The following UBE2D2 variants were observed in gnomAD, a reference collection of about 807,000 sequenced individuals.
UBE2D2 encodes ubiquitin conjugating enzyme E2 D2.
A neutral mutation model predicts 24.2 loss-of-function variants in UBE2D2; 2 were observed. That is an observed-to-expected ratio of 0.08 (90% CI 0.03 to 0.26). UBE2D2 has a LOEUF of 0.26. UBE2D2 is among the 10% of genes least tolerant of loss of function. The pLI, the probability that UBE2D2 is intolerant of heterozygous loss-of-function variation, is 1.00. For missense variants in UBE2D2, 44 were observed against 177.6 expected, an observed-to-expected ratio of 0.25 and a Z score of 4.28; for synonymous variants, 58 against 56.5, an observed-to-expected ratio of 1.03 and a Z score of -0.12.
chr5:139,614,796 GT>G, intron 4 of UBE2D2, 22 bp downstream of exon 4: 1 of 1,612,842 alleles, frequency 6.2e-7, no homozygotes, highest in Non-Finnish European at 8.5e-7. Flanking sequence ...GAATGTGGCA[GT>G]TTTTAATGTA....
chr5:139,619,437 G>A (rs1397410916), intron 5 of UBE2D2, among the ~76,000 whole-genome samples: 1 of 151,418 alleles, frequency 6.6e-6, no homozygotes, highest in Non-Finnish European at 1.5e-5. Context: ...ATATATATAG[G>A]TAAAAGTTCA....
chr5:139,590,295 C>T (rs1220698768), intron 1 of UBE2D2, among the ~76,000 whole-genome samples: 3 of 151,782 alleles, frequency 2.0e-5, no homozygotes, highest in Non-Finnish European at 2.9e-5. Flanking sequence ...AATAGCTGGG[C>T]GTGGTGGTGG....
At chr5:139,587,258 A>G (rs1001319679) in intron 1 of UBE2D2, among the ~76,000 whole-genome samples, 11 of 152,212 alleles carry the variant, frequency 7.2e-5, no homozygotes, top group African/African-American at 1.9e-4. Flanking sequence ...GGGAGTGGCA[A>G]TGGGTGCCTC....
At chr5:139,596,680 C>T (rs1263426593) in intron 1 of UBE2D2, among the ~76,000 whole-genome samples, 2 of 151,902 alleles carry the variant, frequency 1.3e-5, no homozygotes, top group South Asian at 2.1e-4. Flanking sequence ...GCGGAAGGAT[C>T]GCTTGAGTCT....
chr5:139,560,986 T>C (rs965426172), upstream of UBE2D2, among the ~76,000 whole-genome samples: 2 of 152,212 alleles, frequency 1.3e-5, no homozygotes, highest in Non-Finnish European at 1.5e-5. Context: ...GCAGTGGGCC[T>C]AAGTGCCTCC....
At chr5:139,577,459 G>T (rs1753498613) in intron 1 of UBE2D2, among the ~76,000 whole-genome samples, 1 of 144,302 alleles carries the variant, frequency 6.9e-6, no homozygotes, top group Non-Finnish European at 1.5e-5. Flanking sequence ...TGTTGCCCAG[G>T]CTGGAGTGCA....
Position 139,603,774 on chromosome 5 carries a change from G to A in UBE2D2, c.88+3339G>A, listed in dbSNP as rs182961569. Among the ~76,000 whole-genome samples the A allele has an allele frequency of 1.7e-3, 254 of 151,868 alleles. 2 individuals are homozygous for A. The highest frequency in any genetic ancestry group is 6.4e-3 in the Admixed American group (97 of 15,200). ...TGGCCTTGAACTCTGGTGAAACCCC[G>A]TCTACTAAAAATAAAAATACAAGAA... On this transcript the variant is annotated intron_variant, in intron 2 of 6. Transcript: ENST00000398733.
Position 139,607,961 on chromosome 5 carries a change from C to T in UBE2D2, c.89-6625C>T, listed in dbSNP as rs557201298. Among the ~76,000 whole-genome samples, 5 of 146,582 alleles carry T rather than the reference C, an allele frequency of 3.4e-5. No homozygotes were observed. The East Asian group carries it at 1.0e-3, about 30-fold the overall frequency. ...CCAGGAGTTTGAGGCTGCAGTGAGCCAAAGTTGTGCCACTGTACTCCAGTC... is the reference window on the plus strand; with the variant it reads ...CCAGGAGTTTGAGGCTGCAGTGAGCTAAAGTTGTGCCACTGTACTCCAGTC... On this transcript the variant is annotated intron_variant, in intron 2 of 6. Transcript: ENST00000398733.
intron 1 of UBE2D2, among the ~76,000 whole-genome samples, chr5:139,551,941 T>A (rs1752924962): frequency 6.6e-6 from 1 of 152,216 alleles, no homozygotes. Context: ...TGGTGCCAGA[T>A]CCCAACAATA....
chr5:139,555,850 C>T (rs563059278), intron 1 of UBE2D2, among the ~76,000 whole-genome samples: 110 of 135,554 alleles, frequency 8.1e-4, no homozygotes, highest in African/African-American at 1.5e-3. Context: ...CGCTTGAACC[C>T]GGGAGGCAGA....
chr5:139,614,549 A>G (rs923825574), intron 2 of UBE2D2, 37 bp from the exon 3 acceptor site: 5 of 1,610,932 alleles, frequency 3.1e-6, no homozygotes, highest in Non-Finnish European at 8.5e-7. Context: ...CAATGTAGAT[A>G]TTGTTACATG....
intron 1 of UBE2D2, among the ~76,000 whole-genome samples, chr5:139,533,174 T>C (rs190058164): frequency 3.2e-4 from 48 of 151,804 alleles, no homozygotes; most frequent in Non-Finnish European, 4.3e-4. Context: ...GGGATATACA[T>C]ACACATACAC....
chr5:139,551,742 C>G (rs1193228576), intron 1 of UBE2D2, among the ~76,000 whole-genome samples: 1 of 152,190 alleles, frequency 6.6e-6, no homozygotes, highest in Non-Finnish European at 1.5e-5. Context: ...TGATCAATCT[C>G]TGGTGACAGG....
chr5:139,592,017 C>T (rs563710598), intron 1 of UBE2D2, among the ~76,000 whole-genome samples: 1 of 151,990 alleles, frequency 6.6e-6, no homozygotes, highest in Non-Finnish European at 1.5e-5. Flanking sequence ...GCCTGGACAA[C>T]GTGGTGAAAC....
chr5:139,600,384 C>T lies in UBE2D2; in HGVS notation c.37C>T (p.Leu13=), dbSNP rs775946066. Residue 13 remains leucine (L), a synonymous_variant, in exon 2 of 7, where the codon CTG becomes TTG. Transcript: ENST00000398733. ...CTTTTTTCTGTAGGAATTGAATGAT[C>T]TGGCACGGGACCCTCCAGCACAGTG... ...LKRIHKELND[L]ARDPPAQCSA... 49 of 1,613,930 alleles carry T rather than the reference C, an allele frequency of 3.0e-5. No individual in the cohort carries two copies. The highest frequency in any genetic ancestry group is 3.9e-5 in the Non-Finnish European group (46 of 1,180,020).
chr5:139,561,277 T>G (rs1048288799), upstream of UBE2D2: 356 of 149,816 alleles, frequency 2.4e-3, no homozygotes, highest in Middle Eastern at 3.6e-3. Flanking sequence ...CTCCCTCCCC[T>G]GGCCCGCCAA....
chr5:139,550,551 G>C (rs894857329), intron 1 of UBE2D2, among the ~76,000 whole-genome samples: 1 of 152,112 alleles, frequency 6.6e-6, no homozygotes, highest in Non-Finnish European at 1.5e-5. Context: ...ACTGGCTCAG[G>C]TTCTCTTCCA....
At chr5:139,618,798 A>G (rs1485158203) in intron 5 of UBE2D2, among the ~76,000 whole-genome samples, 3 of 152,152 alleles carry the variant, frequency 2.0e-5, no homozygotes, top group Admixed American at 6.5e-5. Context: ...ATTTGATTGT[A>G]TTAACTGTCT....
chr5:139,605,158 C>T (rs932077008), intron 2 of UBE2D2, among the ~76,000 whole-genome samples: 3 of 152,014 alleles, frequency 2.0e-5, no homozygotes, highest in African/African-American at 7.2e-5. Flanking sequence ...TTAAAACATC[C>T]AGATTTTAAT....
Sources: allele counts gnomAD v4.1 joint callset (sites outside exome capture counted in the v4.1 genomes callset), GRCh38; gene constraint gnomAD v4.1.1; transcripts MANE v1.5; gene names NCBI Gene and HGNC (gene_info 2026-07-23, HGNC 2026-07-21).